The following RNF123 variants were observed in gnomAD, a reference collection of about 807,000 sequenced individuals.
The protein encoded by RNF123 is ring finger protein 123.
In RNF123, 86 loss-of-function variants were observed where a neutral mutation model predicts 168.5. The observed-to-expected ratio is 0.51, with a 90% CI of 0.43 to 0.61. The LOEUF is 0.61. RNF123 is among the 20% of genes least tolerant of loss of function. RNF123 has a pLI of 0.00. For synonymous variants in RNF123, 666 were observed against 689.1 expected, an observed-to-expected ratio of 0.97 and a Z score of 0.52; for missense variants, 1,419 against 1,729.7, an observed-to-expected ratio of 0.82 and a Z score of 3.19.
intron 35 of RNF123, chr3:49,718,811 T>G (rs769325930): frequency 4.3e-6 from 7 of 1,613,066 alleles, no homozygotes; most frequent in Non-Finnish European, 5.9e-6. Flanking sequence ...GGCAAAGGGT[T>G]GTTGTGCAAG....
chr3:49,695,423 C>T (rs1470189244), intron 3 of RNF123, among the ~76,000 whole-genome samples: 1 of 152,192 alleles, frequency 6.6e-6, no homozygotes, highest in Non-Finnish European at 1.5e-5. Flanking sequence ...GAGGAAGGCT[C>T]CTTTATCCTT....
chr3:49,706,806 G>A lies in RNF123; in HGVS notation c.2404G>A (p.Ala802Thr), dbSNP rs1314194856. 1.2e-6 allele frequency: 2 copies of A among 1,614,180 alleles called. No individual in the cohort carries two copies. Among genetic ancestry groups the A allele is most frequent in the Middle Eastern group, 1.7e-4 (1 of 6,058 alleles). The change falls in exon 26 of 39, where the codon GCA (alanine) becomes ACA (threonine). Residue 802 changes from alanine (A) to threonine (T), a missense_variant. Physicochemically the swap from Ala to Thr is moderately conservative, Grantham distance 58. Coordinates refer to ENST00000327697, the MANE Select transcript of RNF123 (RefSeq NM_022064.5). Reference protein sequence around the residue: ...RCPKRRKDILAELTKSQKVFS... With the variant: ...RCPKRRKDILTELTKSQKVFS... ...TGGGTGGCAGAGGAAGGACATCCTT[G>A]CAGAGTTGACCAAGAGCCAGAAGGT...
At chr3:49,720,303 G>A (rs1349605586) in intron 35 of RNF123, 3 of 410,430 alleles carry the variant, frequency 7.3e-6, no homozygotes, top group Non-Finnish European at 1.3e-5. Context: ...GCAACAGAGC[G>A]AGACTCGTCT....
chr3:49,713,040 A>G lies in RNF123; in HGVS notation c.2674+384A>G, dbSNP rs987252487. ...CAGGGGCAGAATGGTTTGTCTTGGTAAATCACAGCAGGGGGTGGACCCTGC... is the reference window on the plus strand; with the variant it reads ...CAGGGGCAGAATGGTTTGTCTTGGTGAATCACAGCAGGGGGTGGACCCTGC... On this transcript the variant is annotated intron_variant, in intron 27 of 38. Transcript: ENST00000327697. 6.1e-6 allele frequency: 4 copies of G among 659,254 alleles called. No homozygotes were observed. The African/African-American group carries it at 7.1e-5, about 12-fold the overall frequency. 40.8% of individuals were successfully genotyped at this position (659,254 alleles called of 1,614,324 possible).
At chr3:49,718,803 C>T in intron 35 of RNF123, 3 of 1,613,200 alleles carry the variant, frequency 1.9e-6, no homozygotes, top group Non-Finnish European at 2.5e-6. Context: ...AGTCGCAAGG[C>T]AAAGGGTTGT....
intron 21 of RNF123, among the ~76,000 whole-genome samples, 166 bp from the exon 22 acceptor site, chr3:49,704,484 G>A (rs2054471686): frequency 6.6e-6 from 1 of 152,162 alleles, no homozygotes; most frequent in Non-Finnish European, 1.5e-5. Context: ...GATGCAGAGT[G>A]AAGGCTGGGT....
At chr3:49,714,544 C>T (rs558238488) in intron 31 of RNF123, among the ~76,000 whole-genome samples, 13 of 152,376 alleles carry the variant, frequency 8.5e-5, no homozygotes, top group African/African-American at 2.6e-4. Flanking sequence ...CTTGTCCCAG[C>T]ACCATGTCCT....
In RNF123 at chr3:49,702,614, T is replaced by G; in HGVS notation, c.1630-19T>G. ...CACTGGACTGGCACCAATGCATGTT[T>G]CATGCCTGGTGTCCACAGAACATGC... On this transcript the variant is annotated intron_variant, in intron 19 of 38. Transcript: ENST00000327697. The G allele has an allele frequency of 6.2e-7, 1 of 1,614,236 alleles. No homozygotes were observed. The highest frequency in any genetic ancestry group is 8.5e-7 in the Non-Finnish European group (1 of 1,180,024).
At position 49,698,742 on chromosome 3, in the gene RNF123, C is replaced by T. The variant is rs1464962943; in HGVS notation, c.571-13C>T. ...GGCTTCTGTGCATCTGGTGAGGCCT[C>T]CTCTCATGGCAGGCGTGGGCAGCGG... On this transcript the variant is annotated splice_polypyrimidine_tract_variant and intron_variant, in intron 8 of 38. Coordinates refer to ENST00000327697, the MANE Select transcript of RNF123 (RefSeq NM_022064.5). 4.3e-6 allele frequency: 7 copies of T among 1,612,728 alleles called. No homozygotes were observed. In the Admixed American group the frequency reaches 1.0e-4, roughly 23 times the overall value.
rs1221522208 is a variant in RNF123, at chr3:49,699,567, G to C, written c.864G>C (p.Val288=). ...GCTGCTTCCGGGCAGTGCTGAGTGT[G>C]GAGCTGGACCCTGTGGTGAGCTGGG... ...LLGCFRAVLS[V]ELDPVEGRLL... is the part of the protein sequence containing the mutation. The change falls in exon 11 of 39, where the codon GTG becomes GTC. Residue 288 remains valine (V), a synonymous_variant. Transcript: ENST00000327697. The surrounding 1 kb of genome is among the most constrained non-coding windows in gnomAD (Gnocchi z 4.8). 6.2e-7 allele frequency: 1 copy of C among 1,613,464 alleles called. No individual in the cohort carries two copies. Among genetic ancestry groups the C allele is most frequent in the Admixed American group, 1.7e-5 (1 of 59,974 alleles).
chr3:49,694,000 T>C (rs1278527138), intron 3 of RNF123, among the ~76,000 whole-genome samples: 1 of 152,252 alleles, frequency 6.6e-6, no homozygotes, highest in Admixed American at 6.5e-5. Context: ...ATTCTGGTTA[T>C]TAATCCCTTG....
At chr3:49,693,050 G>GA (rs2054199741) in intron 3 of RNF123, among the ~76,000 whole-genome samples, 2 of 132,864 alleles carry the variant, frequency 1.5e-5, no homozygotes, top group Admixed American at 7.6e-5. Context: ...TTTTTTTTTT[G>GA]AAAAATTTTT....
At chr3:49,720,428 G>C (rs2080376080) in intron 35 of RNF123, 83 bp from the exon 36 acceptor site, 3 of 1,388,088 alleles carry the variant, frequency 2.2e-6, no homozygotes, top group Non-Finnish European at 2.9e-6. Context: ...TACGAGCCAT[G>C]GCACTCCTCA....
At chr3:49,712,742 C>T (rs745832992) in intron 27 of RNF123, 86 bp downstream of exon 27, 2 of 1,457,896 alleles carry the variant, frequency 1.4e-6, no homozygotes, top group Non-Finnish European at 1.9e-6. Context: ...ACCTCTGTGG[C>T]CCAGCAACAC....
At chr3:49,698,678 C>T (rs891585557) in intron 8 of RNF123, 77 bp from the exon 9 acceptor site, 98 of 1,572,110 alleles carry the variant, frequency 6.2e-5, no homozygotes, top group Non-Finnish European at 7.6e-5. Context: ...TTGGGTGGTT[C>T]TGGAAACGCA....
At chr3:49,713,094 C>T in intron 27 of RNF123, 1 of 601,586 alleles carries the variant, frequency 1.7e-6, no homozygotes, top group Non-Finnish European at 3.0e-6. Flanking sequence ...CTGGGCCTCT[C>T]AGCCTGCTGA....
intron 26 of RNF123, among the ~76,000 whole-genome samples, chr3:49,710,036 C>T (rs1442208949): frequency 6.6e-6 from 1 of 150,900 alleles, no homozygotes; most frequent in Admixed American, 6.6e-5. Flanking sequence ...CGCAGGGTCT[C>T]ACTATGTTGC....
At position 49,699,202 on chromosome 3, in the gene RNF123, A is replaced by G. The variant is rs2054326495; in HGVS notation, c.764+97A>G. On this transcript the variant is annotated intron_variant, in intron 10 of 38. Coordinates refer to ENST00000327697, the MANE Select transcript of RNF123 (RefSeq NM_022064.5). This position sits in a 1 kb window ranked among gnomAD's most constrained non-coding sequence, Gnocchi z 4.8. ...CCCAGGGGTGCCATGGGCTGGTGGC[A>G]GGCCCTGGCTGCTGCAGAGTTAGTG... 6.7e-7 allele frequency: 1 copy of G among 1,490,154 alleles called. No homozygotes were observed. The highest frequency in any genetic ancestry group is 2.0e-5 in the Admixed American group (1 of 49,522). 92.3% of individuals were successfully genotyped at this position (1,490,154 alleles called of 1,614,324 possible).
intron 16 of RNF123, 86 bp downstream of exon 16, chr3:49,701,694 C>A: frequency 6.8e-7 from 1 of 1,471,652 alleles, no homozygotes; most frequent in Non-Finnish European, 9.5e-7. Flanking sequence ...AGCATGAGGC[C>A]TTTTCACTGG....
Sources: gnomAD v4.1 joint callset for allele counts (sites outside exome capture counted in the v4.1 genomes callset) on GRCh38, gnomAD v4.1.1 for gene constraint, Gnocchi (gnomAD v3.1) non-coding constraint, MANE v1.5 for transcripts, NCBI Gene and HGNC (gene_info 2026-07-23, HGNC 2026-07-21) for gene names.